CBX1: variants seen among roughly 807,000 people sequenced by gnomAD.
CBX1 encodes the protein chromobox protein homolog 1.
Under a neutral mutation model 25.1 loss-of-function variants are expected in CBX1, and 10 were observed. The observed-to-expected ratio is 0.40, with a 90% CI of 0.25 to 0.68. CBX1 has a LOEUF of 0.68. Among genes scored for constraint, CBX1 ranks in the 30% least tolerant of loss-of-function variants. The pLI is 0.40. For synonymous variants in CBX1, 63 were observed against 79.4 expected (o/e 0.79, Z 1.10); for missense variants, 106 against 218.5 (o/e 0.49, Z 3.25).
intron 1 of CBX1, among the ~76,000 whole-genome samples, chr17:48,099,753 G>A (rs564241468): frequency 6.6e-6 from 1 of 152,230 alleles, no homozygotes; most frequent in South Asian, 2.1e-4. Context: ...GATTATAGCT[G>A]AACTTTTTGT....
intron 1 of CBX1, chr17:48,095,630 A>G (rs578188530): frequency 5.3e-5 from 8 of 152,254 alleles, no homozygotes; most frequent in Non-Finnish European, 1.2e-4. Context: ...TAAGGGAATA[A>G]GCAGCAAGAT....
intron 4 of CBX1, 70 bp from the exon 5 acceptor site, chr17:48,071,649 G>A (rs1312964048): frequency 8.4e-6 from 11 of 1,310,522 alleles, no homozygotes; most frequent in African/African-American, 1.5e-5. Flanking sequence ...GATAACCCAG[G>A]GGACAGTGCT....
At chr17:48,087,522 C>T (rs2063319159) in intron 1 of CBX1, among the ~76,000 whole-genome samples, 1 of 151,358 alleles carries the variant, frequency 6.6e-6, no homozygotes. Context: ...TGCAGTAAGC[C>T]AAGATCATGC....
At chr17:48,086,587 G>A (rs2063313067) in intron 1 of CBX1, among the ~76,000 whole-genome samples, 1 of 152,212 alleles carries the variant, frequency 6.6e-6, no homozygotes, top group African/African-American at 2.4e-5. Context: ...TGGGCATGAT[G>A]GCTCACACCT....
In CBX1 at chr17:48,101,470, G is replaced by T. The variant is rs2063410019; in HGVS notation, c.-240C>A. 2 of 985,524 alleles carry T rather than the reference G, an allele frequency of 2.0e-6. No individual in the cohort carries two copies. Among genetic ancestry groups the T allele is most frequent in the South Asian group, 9.4e-5 (2 of 21,298 alleles). The allele number at this position is 985,524 out of a possible 1,614,324, so 61.0% of individuals were successfully genotyped here. ...AAGAGCCTCGCAGTCTGCGCTGCCC[G>T]CCGCTCGCACCGCGCAGGCGCAACG... On this transcript the variant is annotated 5_prime_UTR_variant, in exon 1 of 5. Coordinates refer to ENST00000225603, the MANE Select transcript of CBX1 (RefSeq NM_001127228.2).
At chr17:48,086,893 T>C (rs1193073884) in intron 1 of CBX1, among the ~76,000 whole-genome samples, 1 of 150,836 alleles carries the variant, frequency 6.6e-6, no homozygotes, top group Non-Finnish European at 1.5e-5. Flanking sequence ...AAAAAAACAA[T>C]AAATAAACAA....
At chr17:48,099,622 T>C (rs1297225680) in intron 1 of CBX1, among the ~76,000 whole-genome samples, 5 of 152,142 alleles carry the variant, frequency 3.3e-5, no homozygotes, top group Non-Finnish European at 7.3e-5. Flanking sequence ...ATTTCCCCAT[T>C]GTATTCCTGA....
chr17:48,089,352 C>T (rs1016030455), intron 1 of CBX1, among the ~76,000 whole-genome samples: 1 of 150,652 alleles, frequency 6.6e-6, no homozygotes, highest in African/African-American at 2.4e-5. Flanking sequence ...CCGCCCATCT[C>T]GGCCTCCAAC....
chr17:48,075,916 C>T, intron 3 of CBX1, 85 bp downstream of exon 3: 6 of 1,023,942 alleles, frequency 5.9e-6, no homozygotes, highest in Non-Finnish European at 8.5e-6. Context: ...GAGACAGCTG[C>T]TAATATCAGG....
At chr17:48,076,615 G>A (rs181212462) in intron 2 of CBX1, among the ~76,000 whole-genome samples, 17 of 152,140 alleles carry the variant, frequency 1.1e-4, no homozygotes, top group Admixed American at 6.6e-4. Flanking sequence ...AGGCTGCAGC[G>A]AGCTATGACT....
intron 1 of CBX1, among the ~76,000 whole-genome samples, chr17:48,090,328 C>T (rs907631644): frequency 3.9e-5 from 6 of 152,054 alleles, no homozygotes; most frequent in Non-Finnish European, 5.9e-5. Context: ...TTTTTATTTA[C>T]ATGTATATAT....
intron 1 of CBX1, among the ~76,000 whole-genome samples, chr17:48,077,412 C>G (rs186301967): frequency 1.2e-3 from 176 of 150,694 alleles, no homozygotes; most frequent in African/African-American, 4.2e-3. Flanking sequence ...CGTGTGCCAC[C>G]AAGCCCAGCT....
chr17:48,079,174 T>C (rs1210476010), intron 1 of CBX1, among the ~76,000 whole-genome samples: 1 of 149,294 alleles, frequency 6.7e-6, no homozygotes. Flanking sequence ...GGCACAGTCT[T>C]GGCTCACTGC....
intron 1 of CBX1, among the ~76,000 whole-genome samples, chr17:48,092,022 C>G (rs1376720091): frequency 8.8e-6 from 1 of 113,770 alleles, no homozygotes; most frequent in East Asian, 2.8e-4. Flanking sequence ...TGCAGTTTCA[C>G]TCTTGTCACC....
intron 1 of CBX1, among the ~76,000 whole-genome samples, chr17:48,091,022 G>A (rs1004339768): frequency 1.3e-5 from 2 of 152,202 alleles, no homozygotes; most frequent in African/African-American, 4.8e-5. Context: ...ATGTTACAAA[G>A]CAAATTTCTT....
intron 1 of CBX1, among the ~76,000 whole-genome samples, chr17:48,090,432 T>C (rs1458142842): frequency 6.6e-6 from 1 of 152,176 alleles, no homozygotes; most frequent in Non-Finnish European, 1.5e-5. Flanking sequence ...TCAGCTCTGA[T>C]TCCTCATCCT....
chr17:48,097,341 G>A (rs958303088), intron 1 of CBX1, among the ~76,000 whole-genome samples: 2 of 151,948 alleles, frequency 1.3e-5, no homozygotes, highest in African/African-American at 2.4e-5. Flanking sequence ...TAGGCTGGGC[G>A]CAGTGGCTCA....
chr17:48,075,590 C>T (rs564695495), intron 3 of CBX1, among the ~76,000 whole-genome samples: 92 of 152,238 alleles, frequency 6.0e-4, no homozygotes, highest in African/African-American at 2.1e-3. Context: ...ATGTCTGAAG[C>T]GCATGAGATT....
intron 1 of CBX1, among the ~76,000 whole-genome samples, chr17:48,094,114 CAAAAAAAAAAAA>C (rs11459504): frequency 2.0e-5 from 1 of 50,838 alleles, no homozygotes; most frequent in Non-Finnish European, 3.3e-5. Context: ...AACTCTGTCT[CAAAAAAAAAAAA>C]AAAAAAAAAA....
Sources: allele counts gnomAD v4.1 joint callset (sites outside exome capture counted in the v4.1 genomes callset), GRCh38; gene constraint gnomAD v4.1.1; transcripts MANE v1.5; gene names NCBI Gene and HGNC (gene_info 2026-07-23, HGNC 2026-07-21).